The following SLC6A15 variants were observed in gnomAD, a reference collection of about 807,000 sequenced individuals.
The protein encoded by SLC6A15 is sodium-dependent neutral amino acid transporter B(0)AT2.
A neutral mutation model predicts 68.5 loss-of-function variants in SLC6A15; 33 were observed. The ratio of observed to expected loss-of-function variants is 0.48; its 90% CI spans 0.37 to 0.64. SLC6A15 has a LOEUF of 0.64. Among genes scored for constraint, SLC6A15 ranks in the 30% least tolerant of loss-of-function variants. The pLI, the probability that SLC6A15 is intolerant of heterozygous loss-of-function variation, is 0.00. For synonymous variants in SLC6A15, 347 were observed against 301.0 expected (o/e 1.15, Z -1.58); for missense variants, 747 against 874.3 (o/e 0.85, Z 1.84).
Position 84,877,328 on chromosome 12 carries a change from A to C in SLC6A15, c.757-721T>G, listed in dbSNP as rs1249036763. On this transcript the variant is annotated intron_variant, in intron 5 of 11. Coordinates refer to ENST00000266682, the MANE Select transcript of SLC6A15 (RefSeq NM_182767.6). ...CACCCTCCATCCCATTAGTAAAGCC[A>C]AACATCTAGAAATGGTTCTGGACTA... Among the ~76,000 whole-genome samples, 5 of 152,304 alleles carry C rather than the reference A, an allele frequency of 3.3e-5. No individual in the cohort carries two copies. The East Asian group carries it at 9.7e-4, about 29-fold the overall frequency.
At chr12:84,885,711 T>A in intron 3 of SLC6A15, 150 bp from the exon 4 acceptor site, 1 of 1,055,220 alleles carries the variant, frequency 9.5e-7, no homozygotes. Context: ...AAAGTTAATG[T>A]CTTTCTCAGG....
chr12:84,906,546 C>T (rs1270947962), intron 1 of SLC6A15, among the ~76,000 whole-genome samples: 1 of 152,058 alleles, frequency 6.6e-6, no homozygotes, highest in Non-Finnish European at 1.5e-5. Flanking sequence ...TATATAGCTA[C>T]AGTAATGAAG....
chr12:84,869,759 T>A (rs1012678768), intron 9 of SLC6A15, among the ~76,000 whole-genome samples: 1 of 152,208 alleles, frequency 6.6e-6, no homozygotes, highest in African/African-American at 2.4e-5. Flanking sequence ...TTCTTATATG[T>A]AAAATCCATT....
intron 1 of SLC6A15, among the ~76,000 whole-genome samples, chr12:84,893,210 G>A (rs577277800): frequency 1.3e-5 from 2 of 152,284 alleles, no homozygotes; most frequent in African/African-American, 4.8e-5. Context: ...TAACAATTCT[G>A]TAGTGCAGAA....
Position 84,870,599 on chromosome 12 carries a change from G to A in SLC6A15, c.1374C>T (p.Phe458=). The A allele has an allele frequency of 6.2e-7, 1 of 1,612,546 alleles. No individual in the cohort carries two copies. The highest frequency in any genetic ancestry group is 8.5e-7 in the Non-Finnish European group (1 of 1,179,184). Residue 458 remains phenylalanine (F), a synonymous_variant, in exon 9 of 12, where the codon TTC becomes TTT. Coordinates refer to ENST00000266682, the MANE Select transcript of SLC6A15 (RefSeq NM_182767.6). ...EAMTHFPASP[F]WSVMFFLMLV... is the part of the protein sequence containing the mutation. ...GCATGAGGAAAAACATCACTGACCAGAAGGGAGATGCAGGAAAATGTGTCA... is the reference window on the plus strand; with the variant it reads ...GCATGAGGAAAAACATCACTGACCAAAAGGGAGATGCAGGAAAATGTGTCA...
At position 84,861,842 on chromosome 12, in the gene SLC6A15, C is replaced by G; in HGVS notation, c.1983G>C (p.Arg661Ser). The G allele has an allele frequency of 6.2e-7, 1 of 1,613,846 alleles. No individual in the cohort carries two copies. Among genetic ancestry groups the G allele is most frequent in the Admixed American group, 1.7e-5 (1 of 59,968 alleles). Reference protein sequence around the residue: ...NLASVTYKRGRVLKEPVNLEG... With the variant: ...NLASVTYKRGSVLKEPVNLEG... ...CTAAGTTCACAGGCTCTTTCAGGAC[C>G]CTTCCTCTCTTATAGGTCACAGATG... The change falls in exon 12 of 12, where the codon AGG becomes AGC. Residue 661 changes from arginine (R) to serine (S), a missense_variant. Transcript: ENST00000266682.
Position 84,861,733 on chromosome 12 carries a change from G to T in SLC6A15, c.2092C>A (p.Gln698Lys), listed in dbSNP as rs1474163176. 4 of 1,613,854 alleles carry T rather than the reference G, an allele frequency of 2.5e-6. No individual in the cohort carries two copies. Among genetic ancestry groups the T allele is most frequent in the Non-Finnish European group, 2.5e-6 (3 of 1,179,938 alleles). The change falls in exon 12 of 12, where the codon CAG becomes AAG. Residue 698 changes from glutamine to lysine, a missense_variant. By Grantham distance (53) the Gln-to-Lys change is moderately conservative. Transcript: ENST00000266682. ...GTATCCAGAGTTGGGGATCCACTCTGTTTTCGATAAATATTTTTACCAAAA... is the reference window on the plus strand; with the variant it reads ...GTATCCAGAGTTGGGGATCCACTCTTTTTTCGATAAATATTTTTACCAAAA... ...PNFGKNIYRK[Q>K]SGSPTLDTAP...
chr12:84,872,640 G>T lies in SLC6A15; in HGVS notation c.1264C>A (p.His422Asn). The change falls in exon 8 of 12, where the codon CAT (histidine) becomes AAT (asparagine). Residue 422 changes from histidine to asparagine, a missense_variant. By Grantham distance (68) the His-to-Asn change is moderately conservative (BLOSUM62 1). Transcript: ENST00000266682. ...KVKEEEFPAL[H>N]LNSCKIEEEL... ...TCTTCAATTTTACAGGAATTGAGAT[G>T]AAGAGCAGGAAACTCTTCTTCTTTC... is the stretch of plus-strand genomic sequence containing the variant. 1 of 1,609,580 alleles carries T rather than the reference G, an allele frequency of 6.2e-7. No homozygotes were observed. Among genetic ancestry groups the T allele is most frequent in the Non-Finnish European group, 8.5e-7 (1 of 1,179,092 alleles).
intron 2 of SLC6A15, among the ~76,000 whole-genome samples, chr12:84,887,683 A>AT (rs1321693306): frequency 2.0e-5 from 3 of 152,118 alleles, no homozygotes; most frequent in Admixed American, 1.3e-4. Flanking sequence ...TTATGAATGG[A>AT]TTTTTTATAC....
chr12:84,899,823 C>T (rs1273336881), intron 1 of SLC6A15, among the ~76,000 whole-genome samples: 1 of 151,950 alleles, frequency 6.6e-6, no homozygotes, highest in East Asian at 1.9e-4. Flanking sequence ...ATATATTTTT[C>T]AAAATAAATC....
intron 1 of SLC6A15, among the ~76,000 whole-genome samples, chr12:84,894,372 T>G (rs973089662): frequency 6.6e-6 from 1 of 152,156 alleles, no homozygotes; most frequent in African/African-American, 2.4e-5. Context: ...TTTGGAGTTG[T>G]GTCCTAGCAC....
intron 10 of SLC6A15, among the ~76,000 whole-genome samples, chr12:84,865,263 T>G (rs149549798): frequency 1.6e-3 from 237 of 152,288 alleles, no homozygotes; most frequent in African/African-American, 5.6e-3. Flanking sequence ...ATGGATCATG[T>G]TAGTTAACAA....
intron 1 of SLC6A15, among the ~76,000 whole-genome samples, chr12:84,905,954 T>C (rs996910763): frequency 6.6e-6 from 1 of 152,162 alleles, no homozygotes; most frequent in African/African-American, 2.4e-5. Flanking sequence ...TAATCTGTTC[T>C]CCATACTTAT....
chr12:84,867,316 C>A (rs1871106442), intron 9 of SLC6A15, 123 bp from the exon 10 acceptor site: 2 of 725,804 alleles, frequency 2.8e-6, no homozygotes, highest in Non-Finnish European at 2.1e-6. Flanking sequence ...TATAAACAGG[C>A]AATACCTTTC....
At chr12:84,880,899 CT>C in intron 5 of SLC6A15, 4 of 977,676 alleles carry the variant, frequency 4.1e-6, no homozygotes, top group Non-Finnish European at 4.9e-6. Flanking sequence ...ATGTATCATT[CT>C]TTTTGAAAAT....
intron 6 of SLC6A15, 147 bp from the exon 7 acceptor site, chr12:84,873,475 TA>T (rs889647718): frequency 1.1e-6 from 1 of 949,210 alleles, no homozygotes; most frequent in Non-Finnish European, 1.5e-6. Flanking sequence ...TTCTTAAGCA[TA>T]AACATCTATT....
chr12:84,911,534 G>A (rs1242921589), intron 1 of SLC6A15, among the ~76,000 whole-genome samples: 5 of 152,182 alleles, frequency 3.3e-5, no homozygotes, highest in Non-Finnish European at 5.9e-5. Flanking sequence ...TGGGGGCTTT[G>A]CTTCCTAAAA....
intron 1 of SLC6A15, among the ~76,000 whole-genome samples, chr12:84,896,421 T>C (rs1441534435): frequency 6.6e-6 from 1 of 152,156 alleles, no homozygotes; most frequent in Non-Finnish European, 1.5e-5. Flanking sequence ...TAGATTTACA[T>C]TTTGTTATGG....
chr12:84,881,340 C>G (rs1016405937), intron 5 of SLC6A15: 1 of 520,116 alleles, frequency 1.9e-6, no homozygotes, highest in Non-Finnish European at 2.5e-6. Flanking sequence ...CCATCACAAC[C>G]TCCTCCATAA....
Sources: gnomAD v4.1 joint callset for allele counts (sites outside exome capture counted in the v4.1 genomes callset) on GRCh38, gnomAD v4.1.1 for gene constraint, MANE v1.5 for transcripts, NCBI Gene and HGNC (gene_info 2026-07-23, HGNC 2026-07-21) for gene names.